The following STK32B variants were observed in gnomAD, a reference collection of about 807,000 sequenced individuals.
STK32B encodes serine/threonine kinase 32B, also known as serine/threonine-protein kinase 32B.
Under a neutral mutation model 52.6 loss-of-function variants are expected in STK32B, and 43 were observed. The ratio of observed to expected loss-of-function variants is 0.82; its 90% CI spans 0.64 to 1.05. The LOEUF (loss-of-function observed/expected upper bound fraction) is 1.05, where lower values mean the gene tolerates loss of function less well. Among genes scored for constraint, STK32B ranks in the 50% least tolerant of loss-of-function variants. STK32B has a pLI of 0.00. For missense variants in STK32B, 621 were observed against 534.6 expected, an observed-to-expected ratio of 1.16 and a Z score of -1.59; for synonymous variants, 238 against 204.3, an observed-to-expected ratio of 1.17 and a Z score of -1.41.
chr4:5,385,156 C>G (rs1233815301), intron 4 of STK32B, among the ~76,000 whole-genome samples: 1 of 152,036 alleles, frequency 6.6e-6, no homozygotes, highest in Non-Finnish European at 1.5e-5. Flanking sequence ...TGAGGCTTTC[C>G]CTCCTGGCCA....
chr4:5,444,566 G>A (rs541962564), intron 6 of STK32B, among the ~76,000 whole-genome samples: 9 of 152,286 alleles, frequency 5.9e-5, no homozygotes, highest in Admixed American at 2.6e-4. Flanking sequence ...CGTCTTCTGC[G>A]TCGCTCACAC....
At chr4:5,329,494 C>T (rs1334046503) in intron 3 of STK32B, among the ~76,000 whole-genome samples, 7 of 152,156 alleles carry the variant, frequency 4.6e-5, no homozygotes, top group Non-Finnish European at 1.5e-5. Flanking sequence ...TTTCCCAATT[C>T]CTCCCACCCA....
chr4:5,240,527 T>G (rs1724950526), intron 3 of STK32B, among the ~76,000 whole-genome samples: 3 of 152,178 alleles, frequency 2.0e-5, no homozygotes, highest in Admixed American at 2.0e-4. Context: ...TGGCATGATC[T>G]CTGCTCACTG....
At chr4:5,042,672 T>G in the STK32B span, among the ~76,000 whole-genome samples, 1 of 152,210 alleles carries the variant, frequency 6.6e-6, no homozygotes, top group Non-Finnish European at 1.5e-5. Flanking sequence ...TGTCATCCTT[T>G]GCATACCTGG....
chr4:5,240,563 G>A (rs889110643), intron 3 of STK32B, among the ~76,000 whole-genome samples: 14 of 152,198 alleles, frequency 9.2e-5, no homozygotes, highest in African/African-American at 3.1e-4. Context: ...GGGTTCAAGC[G>A]ATTTTTCTGC....
rs138636152 is a variant in STK32B, at chr4:5,267,306, AT to A, written c.261-63909del. Among the ~76,000 whole-genome samples, 10 of 152,230 alleles carry A rather than the reference AT, an allele frequency of 6.6e-5. No individual in the cohort carries two copies. The East Asian group carries it at 1.9e-3, about 29-fold the overall frequency. On this transcript the variant is annotated intron_variant, in intron 3 of 11. Coordinates refer to ENST00000282908, the MANE Select transcript of STK32B (RefSeq NM_018401.3). Reference sequence around the variant, plus strand: ...CTTTTAAATTCAGTTCAGTCTTTATATTTTTAAAATTGAATAAAAGGAAAAA... The same window carrying A: ...CTTTTAAATTCAGTTCAGTCTTTATATTTTAAAATTGAATAAAAGGAAAAA...
intron 3 of STK32B, among the ~76,000 whole-genome samples, chr4:5,224,966 T>A (rs2108800095): frequency 6.6e-6 from 1 of 152,296 alleles, no homozygotes; most frequent in South Asian, 2.1e-4. Context: ...AATGCCTATT[T>A]AAAGTGTTCT....
At chr4:5,199,582 AT>A (rs1340110517) in intron 3 of STK32B, among the ~76,000 whole-genome samples, 2 of 151,900 alleles carry the variant, frequency 1.3e-5, no homozygotes, top group African/African-American at 4.8e-5. Flanking sequence ...TTTAAATTAA[AT>A]TTTCTTTTCA....
upstream of STK32B, among the ~76,000 whole-genome samples, chr4:5,049,421 C>A (rs1459648516): frequency 6.6e-6 from 1 of 152,144 alleles, no homozygotes; most frequent in Admixed American, 6.5e-5. Context: ...TTTTTAATCA[C>A]CTCAGTGCAG....
intron 3 of STK32B, among the ~76,000 whole-genome samples, chr4:5,277,563 C>T (rs1455361794): frequency 6.6e-6 from 1 of 151,946 alleles, no homozygotes; most frequent in Non-Finnish European, 1.5e-5. Context: ...TTGTAACATG[C>T]GGATAAAATC....
chr4:5,196,334 G>GT (rs35605834), intron 3 of STK32B, among the ~76,000 whole-genome samples: 24,993 of 84,806 alleles, frequency 0.29, 3,113 homozygotes, highest in Middle Eastern at 0.39. Flanking sequence ...TCTTTCTTCA[G>GT]TTTTTTTTTT....
At chr4:5,055,726 C>A (rs1241715844) in intron 1 of STK32B, among the ~76,000 whole-genome samples, 1 of 152,158 alleles carries the variant, frequency 6.6e-6, no homozygotes, top group Admixed American at 6.5e-5. Flanking sequence ...ATAGCCCTGG[C>A]ACCTGCCCCT....
chr4:5,179,272 A>T (rs1157302205), intron 3 of STK32B, among the ~76,000 whole-genome samples: 1 of 152,218 alleles, frequency 6.6e-6, no homozygotes, highest in Non-Finnish European at 1.5e-5. Flanking sequence ...GCATAGGGGA[A>T]GTTGCCCCAT....
chr4:5,129,682 G>T (rs529322592), intron 1 of STK32B, among the ~76,000 whole-genome samples: 45 of 152,232 alleles, frequency 3.0e-4, no homozygotes, highest in Non-Finnish European at 5.1e-4. Flanking sequence ...TCAACCTTTA[G>T]TACCTTACCG....
chr4:5,220,849 T>A (rs1177432266), intron 3 of STK32B, among the ~76,000 whole-genome samples: 1 of 152,148 alleles, frequency 6.6e-6, no homozygotes, highest in African/African-American at 2.4e-5. Flanking sequence ...ATGGAAAGTA[T>A]GAGGAGAATC....
chr4:5,498,046 T>G (rs180718581), intron 11 of STK32B, among the ~76,000 whole-genome samples: 3 of 152,240 alleles, frequency 2.0e-5, no homozygotes, highest in Non-Finnish European at 4.4e-5. Flanking sequence ...AACAATAGAA[T>G]CCCTAGTTTT....
At chr4:5,341,767 C>A (rs1305841935) in intron 4 of STK32B, among the ~76,000 whole-genome samples, 2 of 152,142 alleles carry the variant, frequency 1.3e-5, no homozygotes, top group Non-Finnish European at 2.9e-5. Context: ...AGGAAACCTG[C>A]AGTCATGGTG....
chr4:5,167,916 G>A (rs1314850624), intron 2 of STK32B, among the ~76,000 whole-genome samples: 4 of 152,194 alleles, frequency 2.6e-5, no homozygotes, highest in East Asian at 3.9e-4. Context: ...GGGCACAGAC[G>A]GAGTCTGCGA....
chr4:5,279,648 A>G lies in STK32B; in HGVS notation c.261-51572A>G, dbSNP rs142161983. On this transcript the variant is annotated intron_variant, in intron 3 of 11. Coordinates refer to ENST00000282908, the MANE Select transcript of STK32B (RefSeq NM_018401.3). ...CTCTGTATTGGAGCTCCAACCCCACATATCCTGTGTGGACTGCCCTAATAG... is the reference window on the plus strand; with the variant it reads ...CTCTGTATTGGAGCTCCAACCCCACGTATCCTGTGTGGACTGCCCTAATAG... Among the ~76,000 whole-genome samples the G allele has an allele frequency of 3.9e-3, 590 of 152,258 alleles. 4 individuals are homozygous for G. The highest frequency in any genetic ancestry group is 0.013 in the African/African-American group (552 of 41,546).
Sources: gnomAD v4.1 joint callset for allele counts (sites outside exome capture counted in the v4.1 genomes callset) on GRCh38, gnomAD v4.1.1 for gene constraint, MANE v1.5 for transcripts, NCBI Gene and HGNC (gene_info 2026-07-23, HGNC 2026-07-21) for gene names.